RNMT: variants seen among roughly 807,000 people sequenced by gnomAD.
RNMT encodes the protein mRNA cap guanine-N(7) methyltransferase.
A neutral mutation model predicts 56.0 loss-of-function variants in RNMT; 27 were observed. The observed-to-expected ratio is 0.48, with a 90% CI of 0.36 to 0.67. The LOEUF (loss-of-function observed/expected upper bound fraction) is 0.67, where lower values mean the gene tolerates loss of function less well. Among genes scored for constraint, RNMT ranks in the 30% least tolerant of loss-of-function variants. The probability of loss-of-function intolerance (pLI) is 0.00; values close to 1 mark genes in which losing one functional copy is unlikely to be tolerated. For synonymous variants in RNMT, 184 were observed against 176.2 expected (o/e 1.04, Z -0.35); for missense variants, 519 against 552.1 (o/e 0.94, Z 0.60).
Position 13,762,601 on chromosome 18 carries a change from T to G in RNMT, c.*2622T>G, listed in dbSNP as rs1000319489. 6 of 193,030 alleles carry G rather than the reference T, an allele frequency of 3.1e-5. No homozygotes were observed. The highest frequency in any genetic ancestry group is 6.5e-5 in the Non-Finnish European group (6 of 93,016). The allele number at this position is 193,030 out of a possible 1,614,324, so 12.0% of individuals were successfully genotyped here. On this transcript the variant is annotated 3_prime_UTR_variant, in exon 12 of 12. Coordinates refer to ENST00000383314, the MANE Select transcript of RNMT (RefSeq NM_003799.3). ...AGGTAGATTGCCAGCACAGTGAGTT[T>G]CCCAGCCTGCTCCCCCATCCACACT...
At chr18:13,728,963 A>G (rs2044022751) in intron 1 of RNMT, among the ~76,000 whole-genome samples, 1 of 152,084 alleles carries the variant, frequency 6.6e-6, no homozygotes, top group Non-Finnish European at 1.5e-5. Context: ...GCTGTGCAGA[A>G]GTTTTTTAGC....
intron 10 of RNMT, among the ~76,000 whole-genome samples, chr18:13,753,608 A>G (rs746362008): frequency 1.3e-5 from 2 of 151,494 alleles, no homozygotes; most frequent in Non-Finnish European, 2.9e-5. Context: ...CGTCTTTACT[A>G]AAAACGCAAA....
Position 13,760,613 on chromosome 18 carries a change from A to G in RNMT, c.*634A>G, listed in dbSNP as rs1461398239. 1.9e-5 allele frequency: 19 copies of G among 985,354 alleles called. No homozygotes were observed. Among genetic ancestry groups the G allele is most frequent in the Non-Finnish European group, 2.3e-5 (19 of 829,890 alleles). 61.0% of individuals were successfully genotyped at this position (985,354 alleles called of 1,614,324 possible). ...TTAAGTGGCAGCATAGAATTTTGGA[A>G]TTTTGGGGCTTTCTTTTCAGAAATT... On this transcript the variant is annotated 3_prime_UTR_variant, in exon 12 of 12. Coordinates refer to ENST00000383314, the MANE Select transcript of RNMT (RefSeq NM_003799.3).
chr18:13,740,195 TCAG>T lies in RNMT; in HGVS notation c.713_715del (p.Gln238del), dbSNP rs768866468. 3.1e-6 allele frequency: 5 copies of T among 1,612,618 alleles called. No homozygotes were observed. The Admixed American group carries it at 8.3e-5, about 27-fold the overall frequency. ...TTGCCGATGTTTCTGTCAAACAGTG[TCAG>T]CAGCGGTATGAGGACATGAAAAATC... On this transcript the variant is annotated inframe_deletion, in exon 6 of 12. Transcript: ENST00000383314.
chr18:13,752,776 T>C (rs571351981), intron 10 of RNMT, among the ~76,000 whole-genome samples: 1 of 152,376 alleles, frequency 6.6e-6, no homozygotes, highest in African/African-American at 2.4e-5. Flanking sequence ...TCTTCACCTA[T>C]ACTAATTTCT....
rs527570315 is a variant in RNMT at position 13,752,431 on chromosome 18, A to G, written c.1359+4A>G. ...CAGTCAAGTAAGGTTACCTTTGGTA[A>G]GTTTTAATTTATGAAAGTATTTTAT... On this transcript the variant is annotated splice_donor_region_variant and intron_variant, in intron 10 of 11. Transcript: ENST00000383314. 58 of 1,561,216 alleles carry G rather than the reference A, an allele frequency of 3.7e-5. No homozygotes were observed. The Admixed American group carries it at 7.9e-4, about 21-fold the overall frequency.
chr18:13,760,120 A>C lies in RNMT; in HGVS notation c.*141A>C. The C allele has an allele frequency of 7.1e-7, 1 of 1,399,200 alleles. No individual in the cohort carries two copies. The highest frequency in any genetic ancestry group is 9.3e-7 in the Non-Finnish European group (1 of 1,072,734). The allele number at this position is 1,399,200 out of a possible 1,614,324, so 86.7% of individuals were successfully genotyped here. A position where few individuals can be genotyped will look rare whatever the true frequency, so the allele number is the denominator to read the frequency against. ...TGCTGCCAGAAACTCCAATGTAGAAATTCAACATTTGCTGTCTGTGACAGA... is the reference window on the plus strand; with the variant it reads ...TGCTGCCAGAAACTCCAATGTAGAACTTCAACATTTGCTGTCTGTGACAGA... On this transcript the variant is annotated 3_prime_UTR_variant, in exon 12 of 12. Coordinates refer to ENST00000383314, the MANE Select transcript of RNMT (RefSeq NM_003799.3).
chr18:13,761,282 T>C lies in RNMT; in HGVS notation c.*1303T>C, dbSNP rs2044615702. 2.0e-6 allele frequency: 2 copies of C among 985,346 alleles called. No individual in the cohort carries two copies. The highest frequency in any genetic ancestry group is 2.4e-6 in the Non-Finnish European group (2 of 829,956). 61.0% of individuals were successfully genotyped at this position (985,346 alleles called of 1,614,324 possible). ...TACCAGTTTACAAAAATAAGTCTTTTTGCCTTAAGTCATTTTGGAAATAAG... is the reference window on the plus strand; with the variant it reads ...TACCAGTTTACAAAAATAAGTCTTTCTGCCTTAAGTCATTTTGGAAATAAG... On this transcript the variant is annotated 3_prime_UTR_variant, in exon 12 of 12. Coordinates refer to ENST00000383314, the MANE Select transcript of RNMT (RefSeq NM_003799.3).
At chr18:13,736,923 A>T in intron 4 of RNMT, 87 bp from the exon 5 acceptor site, 1 of 1,203,142 alleles carries the variant, frequency 8.3e-7, no homozygotes, top group Non-Finnish European at 1.2e-6. Flanking sequence ...TATTGGGCAA[A>T]AGATAGTAGG....
chr18:13,731,182 G>A (rs899304046), intron 2 of RNMT, among the ~76,000 whole-genome samples: 4 of 152,144 alleles, frequency 2.6e-5, no homozygotes, highest in Non-Finnish European at 1.5e-5. Flanking sequence ...CAAGGCAGGC[G>A]GATCACCTGG....
intron 11 of RNMT, among the ~76,000 whole-genome samples, chr18:13,756,869 T>A (rs1263121709): frequency 6.6e-6 from 1 of 152,180 alleles, no homozygotes; most frequent in Non-Finnish European, 1.5e-5. Flanking sequence ...CACTGTTGAG[T>A]ATCCTAGCAC....
Position 13,763,027 on chromosome 18 carries a change from C to T in RNMT, c.*3048C>T. 2 of 455,690 alleles carry T rather than the reference C, an allele frequency of 4.4e-6. No homozygotes were observed. Among genetic ancestry groups the T allele is most frequent in the South Asian group, 1.5e-5 (1 of 64,532 alleles). The allele number at this position is 455,690 out of a possible 1,614,324, so 28.2% of individuals were successfully genotyped here. A position where few individuals can be genotyped will look rare whatever the true frequency, so the allele number is the denominator to read the frequency against. ...TCAAGCCAGTCACCACAGAGGGTCT[C>T]TAGGGTCTGCAAAATAGAGGCCAAA... On this transcript the variant is annotated 3_prime_UTR_variant, in exon 12 of 12. Transcript: ENST00000383314.
At chr18:13,743,326 AAAAAAATAAATAAAT>A (rs1360195289) in intron 8 of RNMT, among the ~76,000 whole-genome samples, 3 of 35,400 alleles carry the variant, frequency 8.5e-5, no homozygotes, top group South Asian at 7.9e-4. Flanking sequence ...CCGTCTCAAA[AAAAAAATAAATAAAT>A]AAATAAATAA....
At chr18:13,733,390 C>CT (rs200747943) in intron 3 of RNMT, among the ~76,000 whole-genome samples, 40 of 151,564 alleles carry the variant, frequency 2.6e-4, no homozygotes, top group Admixed American at 7.2e-4. Context: ...TCTAATCTCT[C>CT]TTTTTTTTTG....
chr18:13,736,315 G>GT (rs1455667145), intron 4 of RNMT, among the ~76,000 whole-genome samples: 1 of 152,152 alleles, frequency 6.6e-6, no homozygotes, highest in Non-Finnish European at 1.5e-5. Flanking sequence ...ATTGTATCAA[G>GT]TTTTAGAACT....
At chr18:13,727,752 TC>T (rs1375137315) in intron 1 of RNMT, among the ~76,000 whole-genome samples, 1 of 152,212 alleles carries the variant, frequency 6.6e-6, no homozygotes, top group Admixed American at 6.5e-5. Context: ...CCGCTCCTCT[TC>T]CTGCTACCCT....
rs1167591189 is a variant in RNMT at position 13,731,887 on chromosome 18, C to T, written c.370C>T (p.Gln124Ter). The change falls in exon 3 of 12, where the codon CAA becomes TAA. Residue 124 changes from glutamine (Q) to a stop codon, truncating the protein, a stop_gained. Transcript: ENST00000383314. LOFTEE classifies it high-confidence loss of function. ...KDKSSTGDGT[Q>*]NKRKIALEDV... is the part of the protein sequence containing the mutation. ...TAAATCTTCTACTGGAGATGGCACT[C>T]AAAATAAGAGAAAAATAGCACTTGA... 3 of 1,602,874 alleles carry T rather than the reference C, an allele frequency of 1.9e-6. No individual in the cohort carries two copies. Among genetic ancestry groups the T allele is most frequent in the Admixed American group, 1.8e-5 (1 of 56,762 alleles).
intron 1 of RNMT, among the ~76,000 whole-genome samples, chr18:13,728,679 A>G (rs1006530202): frequency 1.3e-5 from 2 of 151,972 alleles, no homozygotes; most frequent in African/African-American, 4.8e-5. Flanking sequence ...AGCCGTTTTA[A>G]CCGAGATGAG....
In RNMT at chr18:13,743,716, A is replaced by G. The variant is rs557589910; in HGVS notation, c.1139+1064A>G. The stretch of plus-strand genomic sequence containing the variant: ...TTAGAAACAAAAATCTTTTGTTTTG[A>G]ATATTAACTGAGAAAAAGAAGAGGT... On this transcript the variant is annotated intron_variant, in intron 8 of 11. Coordinates refer to ENST00000383314, the MANE Select transcript of RNMT (RefSeq NM_003799.3). 3.3e-5 allele frequency among the ~76,000 whole-genome samples: 5 copies of G among 152,084 alleles called. No homozygotes were observed. The East Asian group carries it at 9.7e-4, about 30-fold the overall frequency.
Sources: gnomAD v4.1 joint callset for allele counts (sites outside exome capture counted in the v4.1 genomes callset) on GRCh38, gnomAD v4.1.1 for gene constraint, MANE v1.5 for transcripts, NCBI Gene and HGNC (gene_info 2026-07-23, HGNC 2026-07-21) for gene names.